ETF1: variants seen among roughly 807,000 people sequenced by gnomAD.
The protein encoded by ETF1 is eukaryotic translation termination factor 1, also known as eukaryotic peptide chain release factor subunit 1.
In ETF1, 4 loss-of-function variants were observed where a neutral mutation model predicts 55.1. The observed-to-expected ratio is 0.07, with a 90% CI of 0.04 to 0.17. ETF1 has a LOEUF of 0.17. Among genes scored for constraint, ETF1 ranks in the 10% least tolerant of loss-of-function variants. The pLI, the probability that ETF1 is intolerant of heterozygous loss-of-function variation, is 1.00. For synonymous variants in ETF1, 157 were observed against 182.3 expected (o/e 0.86, Z 1.12); for missense variants, 142 against 523.6 (o/e 0.27, Z 7.11).
rs375775652 is a variant in ETF1, at chr5:138,510,667, C to G, written c.1019-38G>C. The G allele has an allele frequency of 1.5e-5, 24 of 1,611,200 alleles. No homozygotes were observed. The African/African-American group carries it at 2.9e-4, about 20-fold the overall frequency. ...GAGGAAAAAATGTGTTAACCTGGCT[C>G]TCATATACTAATCTGTGTAAGCTCC... is the stretch of plus-strand genomic sequence containing the variant. On this transcript the variant is annotated intron_variant, in intron 8 of 10. Transcript: ENST00000360541.
At chr5:138,513,865 A>G (rs1480653775) in intron 4 of ETF1, 159 bp from the exon 5 acceptor site, 2 of 788,046 alleles carry the variant, frequency 2.5e-6, no homozygotes, top group Middle Eastern at 6.5e-4. Context: ...TCAGTTATAA[A>G]CATGTAACTC....
At chr5:138,508,846 G>A in intron 9 of ETF1, 30 bp from the exon 10 acceptor site, 1 of 1,607,170 alleles carries the variant, frequency 6.2e-7, no homozygotes, top group Non-Finnish European at 8.5e-7. Flanking sequence ...ATACAAAAAT[G>A]GGGGATTAGG....
At chr5:138,512,459 C>G (rs565609687) in intron 6 of ETF1, among the ~76,000 whole-genome samples, 34 of 151,460 alleles carry the variant, frequency 2.2e-4, no homozygotes, top group African/African-American at 7.5e-4. Context: ...AAATAAGGAA[C>G]AGGTTTTAGT....
At chr5:138,518,130 A>G (rs1765095994) in intron 3 of ETF1, among the ~76,000 whole-genome samples, 1 of 136,892 alleles carries the variant, frequency 7.3e-6, no homozygotes, top group African/African-American at 2.8e-5. Flanking sequence ...TCAACCTGGG[A>G]GGCTTGTGGT....
At chr5:138,523,177 A>C (rs1221761024) in intron 2 of ETF1, among the ~76,000 whole-genome samples, 1 of 151,460 alleles carries the variant, frequency 6.6e-6, no homozygotes, top group African/African-American at 2.4e-5. Flanking sequence ...GACCATCCTG[A>C]CCAACATGGT....
intron 2 of ETF1, among the ~76,000 whole-genome samples, chr5:138,520,923 T>C (rs2127088760): frequency 6.6e-6 from 1 of 152,184 alleles, no homozygotes; most frequent in South Asian, 2.1e-4. Flanking sequence ...GGGATAAGTG[T>C]GGTAGCTCTT....
intron 2 of ETF1, among the ~76,000 whole-genome samples, chr5:138,526,714 T>G (rs1207243832): frequency 6.6e-6 from 1 of 151,980 alleles, no homozygotes; most frequent in Non-Finnish European, 1.5e-5. Context: ...TATTGTTTTT[T>G]TTTTGAGATG....
intron 2 of ETF1, among the ~76,000 whole-genome samples, chr5:138,533,706 CCAA>C (rs897033975): frequency 6.6e-6 from 1 of 152,030 alleles, no homozygotes; most frequent in African/African-American, 2.4e-5. Flanking sequence ...AAAACAAAAA[CCAA>C]CAACAAATTG....
At chr5:138,529,735 C>A (rs1232613417) in intron 2 of ETF1, 2 of 983,264 alleles carry the variant, frequency 2.0e-6, no homozygotes, top group East Asian at 1.1e-4. Flanking sequence ...CCAAATAAAT[C>A]CCAAACAAAA....
At chr5:138,526,106 C>A (rs910951839) in intron 2 of ETF1, among the ~76,000 whole-genome samples, 2 of 152,046 alleles carry the variant, frequency 1.3e-5, no homozygotes, top group African/African-American at 4.8e-5. Flanking sequence ...CTGCCAGAAC[C>A]ATCTAAACTT....
chr5:138,511,624 T>C lies in ETF1; in HGVS notation c.733-20A>G. 2 of 1,585,948 alleles carry C rather than the reference T, an allele frequency of 1.3e-6. No homozygotes were observed. Among genetic ancestry groups the C allele is most frequent in the Non-Finnish European group, 1.7e-6 (2 of 1,165,026 alleles). On this transcript the variant is annotated intron_variant, in intron 6 of 10. Coordinates refer to ENST00000360541, the MANE Select transcript of ETF1 (RefSeq NM_004730.4). ...TAACCTCTAACACACAAAAAAAATA[T>C]TATTAGTACTTACTGGTACTTATTT...
At chr5:138,537,230 A>C (rs544489836) in intron 2 of ETF1, among the ~76,000 whole-genome samples, 3 of 152,064 alleles carry the variant, frequency 2.0e-5, no homozygotes, top group African/African-American at 7.2e-5. Context: ...TTTCTCTCTC[A>C]TCTATTTCTC....
rs1034125546 is a variant in ETF1, at chr5:138,514,838, A to T, written c.403-1132T>A. On this transcript the variant is annotated intron_variant, in intron 4 of 10. Coordinates refer to ENST00000360541, the MANE Select transcript of ETF1 (RefSeq NM_004730.4). Reference sequence around the variant, plus strand: ...GAGAAAATATTGAAACAGTCCTGGGACATACATAGATAAGAGTTCTCACAG... The same window carrying T: ...GAGAAAATATTGAAACAGTCCTGGGTCATACATAGATAAGAGTTCTCACAG... Among the ~76,000 whole-genome samples, 86 of 152,302 alleles carry T rather than the reference A, an allele frequency of 5.6e-4. 1 individual carries two copies. The highest frequency in any genetic ancestry group is 2.0e-3 in the African/African-American group (83 of 41,566).
At chr5:138,541,478 T>G in intron 2 of ETF1, 2 of 1,390,516 alleles carry the variant, frequency 1.4e-6, no homozygotes, top group Non-Finnish European at 2.0e-6. Context: ...CAAACAGAAC[T>G]GTCCCTAATT....
chr5:138,518,593 A>T, intron 3 of ETF1, 99 bp downstream of exon 3: 1 of 1,013,180 alleles, frequency 9.9e-7, no homozygotes, highest in Non-Finnish European at 1.5e-6. Context: ...ATGACAGCCG[A>T]CTTAAGGGAA....
chr5:138,524,001 A>T lies in ETF1; in HGVS notation c.87-5134T>A, dbSNP rs551734225. ...AGACCAGCCTAGCCACTATGGTGAA[A>T]CCTCACCTCTACTAAAAATACAAAA... On this transcript the variant is annotated intron_variant, in intron 2 of 10. Transcript: ENST00000360541. Among the ~76,000 whole-genome samples, 3 of 152,060 alleles carry T rather than the reference A, an allele frequency of 2.0e-5. No homozygotes were observed. In the South Asian group the frequency reaches 6.2e-4, roughly 32 times the overall value.
At chr5:138,529,579 A>AGG in intron 2 of ETF1, 1 of 985,396 alleles carries the variant, frequency 1.0e-6, no homozygotes, top group Non-Finnish European at 1.2e-6. Context: ...CAAAGCTCCC[A>AGG]GGGGCCTCTG....
chr5:138,540,753 T>C (rs1766138731), intron 2 of ETF1, among the ~76,000 whole-genome samples: 1 of 152,216 alleles, frequency 6.6e-6, no homozygotes, highest in Admixed American at 6.5e-5. Flanking sequence ...ACAAGTTGTG[T>C]CTTATAACTT....
At chr5:138,532,733 T>C (rs1483834272) in intron 2 of ETF1, among the ~76,000 whole-genome samples, 1 of 152,120 alleles carries the variant, frequency 6.6e-6, no homozygotes, top group Non-Finnish European at 1.5e-5. Context: ...ATACCAAAAA[T>C]AATATGGCCA....
Sources: gnomAD v4.1 joint callset for allele counts (sites outside exome capture counted in the v4.1 genomes callset) on GRCh38, gnomAD v4.1.1 for gene constraint, MANE v1.5 for transcripts, NCBI Gene and HGNC (gene_info 2026-07-23, HGNC 2026-07-21) for gene names.